Variants in CPA6 observed in about 807,000 individuals in gnomAD.
The protein encoded by CPA6 is carboxypeptidase A6, also known as carboxypeptidase B.
Under a neutral mutation model 63.3 loss-of-function variants are expected in CPA6, and 58 were observed. The observed-to-expected ratio is 0.92, with a 90% CI of 0.74 to 1.14. The LOEUF (loss-of-function observed/expected upper bound fraction) is 1.14. Among genes scored for constraint, CPA6 ranks in the 50% most tolerant of loss-of-function variants. CPA6 has a pLI of 0.00. For synonymous variants in CPA6, 185 were observed against 179.0 expected (o/e 1.03, Z -0.27); for missense variants, 565 against 526.6 (o/e 1.07, Z -0.71).
chr8:67,488,251 A>G (rs1406877244), intron 6 of CPA6, among the ~76,000 whole-genome samples: 1 of 152,236 alleles, frequency 6.6e-6, no homozygotes, highest in Non-Finnish European at 1.5e-5. Flanking sequence ...GAGGGGATCC[A>G]GTTTCAGCTT....
At chr8:67,560,399 G>A (rs1214526446) in intron 2 of CPA6, among the ~76,000 whole-genome samples, 3 of 152,078 alleles carry the variant, frequency 2.0e-5, no homozygotes, top group African/African-American at 7.2e-5. Context: ...TAGGAGCAAG[G>A]AAGAAATACA....
intron 2 of CPA6, among the ~76,000 whole-genome samples, chr8:67,573,354 A>G (rs1464002389): frequency 1.3e-5 from 2 of 152,216 alleles, no homozygotes; most frequent in Non-Finnish European, 1.5e-5. Context: ...TGACAACATG[A>G]TCTTATACAT....
At chr8:67,461,510 C>T (rs1587451702) in intron 8 of CPA6, among the ~76,000 whole-genome samples, 1 of 152,130 alleles carries the variant, frequency 6.6e-6, no homozygotes, top group African/African-American at 2.4e-5. Flanking sequence ...TTTTCCCCAC[C>T]TTTCCCCGCT....
In CPA6 at chr8:67,606,212, AG is replaced by A. The variant is rs548084556; in HGVS notation, c.192+17963del. Reference sequence around the variant, plus strand: ...TGGGGGAGGGGGGAGGGATAGCATTAGGAGATATACCTAATGCTAAGTGATG... The same window carrying A: ...TGGGGGAGGGGGGAGGGATAGCATTAGAGATATACCTAATGCTAAGTGATG... On this transcript the variant is annotated intron_variant, in intron 2 of 10. Coordinates refer to ENST00000297770, the MANE Select transcript of CPA6 (RefSeq NM_020361.5). 2.3e-3 allele frequency among the ~76,000 whole-genome samples: 349 copies of A among 151,044 alleles called. 1 individual carries two copies. Among genetic ancestry groups the A allele is most frequent in the African/African-American group, 8.2e-3 (335 of 40,984 alleles).
At chr8:67,718,702 A>G (rs1358201178) in intron 1 of CPA6, among the ~76,000 whole-genome samples, 1 of 149,980 alleles carries the variant, frequency 6.7e-6, no homozygotes, top group Non-Finnish European at 1.5e-5. Flanking sequence ...GCTGGAGTGC[A>G]GTGGCGTGAT....
intron 2 of CPA6, among the ~76,000 whole-genome samples, chr8:67,607,106 TTCCTCC>T (rs1196391380): frequency 0.089 from 6,954 of 77,712 alleles, 1,672 homozygotes; most frequent in African/African-American, 0.24. Flanking sequence ...TTCTTCTTCT[TTCCTCC>T]TCCTCCTCCT....
At chr8:67,625,982 G>C (rs1815185714) in intron 1 of CPA6, among the ~76,000 whole-genome samples, 1 of 152,072 alleles carries the variant, frequency 6.6e-6, no homozygotes, top group African/African-American at 2.4e-5. Context: ...TCGTGATAGT[G>C]AGTGATTTCT....
intron 2 of CPA6, among the ~76,000 whole-genome samples, chr8:67,581,319 A>G (rs1813765601): frequency 6.6e-6 from 1 of 152,178 alleles, no homozygotes; most frequent in African/African-American, 2.4e-5. Context: ...TTAAGCATTT[A>G]TATACTATAT....
chr8:67,712,156 G>A (rs571033456), intron 1 of CPA6, among the ~76,000 whole-genome samples: 6 of 152,138 alleles, frequency 3.9e-5, no homozygotes, highest in South Asian at 4.1e-4. Flanking sequence ...TGGCCAAAGC[G>A]GGACACAGCA....
rs537729435 is a variant in CPA6 at position 67,438,745 on chromosome 8, C to A, written c.839-4505G>T. ...AGTATAATGATCCAGGTATCAAATC[C>A]TAGGAGACAACAAATTGATGGAAAA... On this transcript the variant is annotated intron_variant, in intron 8 of 10. Transcript: ENST00000297770. 1.2e-4 allele frequency among the ~76,000 whole-genome samples: 17 copies of A among 137,954 alleles called. No individual in the cohort carries two copies. In the South Asian group the frequency reaches 3.9e-3, roughly 32 times the overall value. 90.5% of individuals were successfully genotyped at this position (137,954 alleles called of 152,430 possible). A position where few individuals can be genotyped will look rare whatever the true frequency, so the allele number is the denominator to read the frequency against.
intron 1 of CPA6, among the ~76,000 whole-genome samples, chr8:67,626,357 A>G (rs1436076758): frequency 2.0e-5 from 3 of 152,220 alleles, no homozygotes; most frequent in South Asian, 2.1e-4. Context: ...TAGTTTTATT[A>G]TTTCAAATGA....
At chr8:67,704,292 C>T (rs369855773) in intron 1 of CPA6, among the ~76,000 whole-genome samples, 34 of 152,276 alleles carry the variant, frequency 2.2e-4, no homozygotes, top group South Asian at 1.0e-3. Flanking sequence ...CTTCTCAATA[C>T]GCGTCAAGAC....
intron 2 of CPA6, among the ~76,000 whole-genome samples, chr8:67,550,187 C>G (rs1812909914): frequency 6.6e-6 from 1 of 152,078 alleles, no homozygotes; most frequent in South Asian, 2.1e-4. Flanking sequence ...TCAACCCTTT[C>G]CCCCTCCCTT....
At chr8:67,622,075 T>A (rs1418581830) in intron 2 of CPA6, among the ~76,000 whole-genome samples, 1 of 152,214 alleles carries the variant, frequency 6.6e-6, no homozygotes, top group Non-Finnish European at 1.5e-5. Context: ...ATCACAAATA[T>A]AACAGTGCAA....
At chr8:67,726,444 T>C (rs773343147) in intron 1 of CPA6, among the ~76,000 whole-genome samples, 8 of 152,166 alleles carry the variant, frequency 5.3e-5, no homozygotes, top group Non-Finnish European at 7.3e-5. Flanking sequence ...ATGGCTATTA[T>C]TGTAGTTTTA....
chr8:67,726,398 C>A (rs1486058124), intron 1 of CPA6, among the ~76,000 whole-genome samples: 1 of 152,140 alleles, frequency 6.6e-6, no homozygotes, highest in Non-Finnish European at 1.5e-5. Flanking sequence ...CCTTCTTTGG[C>A]AAATGACGAC....
At position 67,697,750 on chromosome 8, in the gene CPA6, G is replaced by C. The variant is rs570741247; in HGVS notation, c.116+48264C>G. On this transcript the variant is annotated intron_variant, in intron 1 of 10. Coordinates refer to ENST00000297770, the MANE Select transcript of CPA6 (RefSeq NM_020361.5). ...TACCTGGCCCTCAAATTCTACTCAGGATGTTGCAGTCGCAGGAAAAAAAAA... is the reference window on the plus strand; with the variant it reads ...TACCTGGCCCTCAAATTCTACTCAGCATGTTGCAGTCGCAGGAAAAAAAAA... Among the ~76,000 whole-genome samples the C allele has an allele frequency of 9.4e-5, 14 of 148,232 alleles. No individual in the cohort carries two copies. In the East Asian group the frequency reaches 2.7e-3, roughly 29 times the overall value.
chr8:67,734,852 T>C (rs1204966742), intron 1 of CPA6, among the ~76,000 whole-genome samples: 1 of 152,184 alleles, frequency 6.6e-6, no homozygotes, highest in African/African-American at 2.4e-5. Context: ...AGGAACCTAG[T>C]TGACATGTTG....
rs1400065970 is a variant in CPA6, at chr8:67,624,195, T to C, written c.173A>G (p.Lys58Arg). ...KTEEEAYALK[K>R]ISYQLKVDLW... ...TATTACCTTAAGTTGATAGGATATT[T>C]TCTTCAGTGCATATGCTTCCTCTTC... The change falls in exon 2 of 11, where the codon AAA (lysine) becomes AGA (arginine). Residue 58 changes from lysine (K) to arginine (R), a missense_variant. Lys to Arg is a conservative substitution (Grantham distance 26). Transcript: ENST00000297770. 8.4e-6 allele frequency: 13 copies of C among 1,550,376 alleles called. No individual in the cohort carries two copies. The highest frequency in any genetic ancestry group is 6.7e-5 in the Admixed American group (4 of 59,290).
Sources: gnomAD v4.1 joint callset for allele counts (sites outside exome capture counted in the v4.1 genomes callset) on GRCh38, gnomAD v4.1.1 for gene constraint, MANE v1.5 for transcripts, NCBI Gene and HGNC (gene_info 2026-07-23, HGNC 2026-07-21) for gene names.